Variants in FOXN2 observed in about 807,000 individuals in gnomAD.
FOXN2 encodes forkhead box N2.
FOXN2 carries 19 observed loss-of-function variants against 41.2 expected under a neutral mutation model. The ratio of observed to expected loss-of-function variants is 0.46; its 90% CI spans 0.32 to 0.68. FOXN2 has a LOEUF of 0.68. Ranked by LOEUF, FOXN2 falls within the 30% of genes least tolerant of loss-of-function variation. FOXN2 has a pLI of 0.03. For synonymous variants in FOXN2, 195 were observed against 176.8 expected, an observed-to-expected ratio of 1.10 and a Z score of -0.82; for missense variants, 587 against 509.4, an observed-to-expected ratio of 1.15 and a Z score of -1.47.
chr2:48,321,249 A>G (rs902506555), intron 1 of FOXN2, among the ~76,000 whole-genome samples: 5 of 152,254 alleles, frequency 3.3e-5, no homozygotes, highest in African/African-American at 4.8e-5. Flanking sequence ...TTAAAAAACA[A>G]TCTAGGCTGG....
In FOXN2 at chr2:48,376,345, T is replaced by C. The variant is rs1243319190; in HGVS notation, c.*902T>C. On this transcript the variant is annotated 3_prime_UTR_variant, in exon 7 of 7. Coordinates refer to ENST00000340553, the MANE Select transcript of FOXN2 (RefSeq NM_002158.4). Reference sequence around the variant, plus strand: ...TTTGCCTGCCATGTGTACTGTATTATGAGAATCTTATAATCGGAATGGAGT... The same window carrying C: ...TTTGCCTGCCATGTGTACTGTATTACGAGAATCTTATAATCGGAATGGAGT... 2.0e-5 allele frequency: 3 copies of C among 152,090 alleles called. No individual in the cohort carries two copies. The highest frequency in any genetic ancestry group is 6.6e-5 in the Admixed American group (1 of 15,264). 9.4% of individuals were successfully genotyped at this position (152,090 alleles called of 1,614,324 possible). A position where few individuals can be genotyped will look rare whatever the true frequency, so the allele number is the denominator to read the frequency against.
At chr2:48,351,800 C>A (rs1408386071) in intron 3 of FOXN2, among the ~76,000 whole-genome samples, 2 of 152,122 alleles carry the variant, frequency 1.3e-5, no homozygotes, top group African/African-American at 4.8e-5. Flanking sequence ...CGGTCTCCAG[C>A]TTGGGGGTTG....
chr2:48,344,213 A>G (rs1406476290), intron 2 of FOXN2, among the ~76,000 whole-genome samples: 1 of 152,216 alleles, frequency 6.6e-6, no homozygotes, highest in Non-Finnish European at 1.5e-5. Flanking sequence ...ATATATGTGA[A>G]TGTTTATTTA....
intron 2 of FOXN2, among the ~76,000 whole-genome samples, chr2:48,336,131 C>T (rs189662530): frequency 6.3e-4 from 96 of 151,872 alleles, no homozygotes; most frequent in Non-Finnish European, 1.3e-3. Context: ...TTGCTTGGCA[C>T]GGTGGCTCAC....
At chr2:48,348,364 GT>G (rs1175678284) in intron 3 of FOXN2, among the ~76,000 whole-genome samples, 1 of 151,634 alleles carries the variant, frequency 6.6e-6, no homozygotes, top group Non-Finnish European at 1.5e-5. Flanking sequence ...AATTTCTAAT[GT>G]TTTCATTTTC....
rs1053997958 is a variant in FOXN2 at position 48,361,233 on chromosome 2, G to A, written c.639-1410G>A. On this transcript the variant is annotated intron_variant, in intron 4 of 6. Coordinates refer to ENST00000340553, the MANE Select transcript of FOXN2 (RefSeq NM_002158.4). ...TGTAATCCCAGCACTTTGGTAGGCC[G>A]AGGCCAGTGGATCACCTGAGGTCGG... Among the ~76,000 whole-genome samples, 184 of 152,192 alleles carry A rather than the reference G, an allele frequency of 1.2e-3. 1 individual carries two copies. Among genetic ancestry groups the A allele is most frequent in the African/African-American group, 4.2e-3 (176 of 41,526 alleles).
intron 6 of FOXN2, 112 bp downstream of exon 6, chr2:48,373,472 T>A (rs1397184348): frequency 4.6e-6 from 3 of 650,866 alleles, no homozygotes; most frequent in Non-Finnish European, 8.1e-6. Flanking sequence ...CAAATTGTAT[T>A]TTGATCTGAG....
At position 48,326,007 on chromosome 2, in the gene FOXN2, C is replaced by T. The variant is rs184486222; in HGVS notation, c.-156-2554C>T. On this transcript the variant is annotated intron_variant, in intron 1 of 6. Transcript: ENST00000340553. ...GGGGTTAAAGGCACATGCCACCACG[C>T]CCAGCTAATATTTGTATTTTTAGTA... Among the ~76,000 whole-genome samples the T allele has an allele frequency of 9.2e-5, 14 of 152,192 alleles. No individual in the cohort carries two copies. In the East Asian group the frequency reaches 2.7e-3, roughly 29 times the overall value.
At chr2:48,374,878 C>G in intron 6 of FOXN2, 42 bp from the exon 7 acceptor site, 2 of 1,531,170 alleles carry the variant, frequency 1.3e-6, no homozygotes, top group Non-Finnish European at 1.8e-6. Context: ...TTTTTGCAAC[C>G]AAACACATTT....
chr2:48,352,027 G>A (rs1338918750), intron 3 of FOXN2, among the ~76,000 whole-genome samples: 1 of 149,960 alleles, frequency 6.7e-6, no homozygotes, highest in African/African-American at 2.4e-5. Flanking sequence ...GAAGTGTGAT[G>A]AATATCATGC....
intron 1 of FOXN2, among the ~76,000 whole-genome samples, chr2:48,315,311 C>G (rs1049153111): frequency 7.9e-5 from 12 of 152,176 alleles, no homozygotes; most frequent in African/African-American, 2.7e-4. Context: ...CTCGTCCGGC[C>G]CCAGTTGGGA....
At chr2:48,320,445 C>T (rs945599876) in intron 1 of FOXN2, among the ~76,000 whole-genome samples, 20 of 152,172 alleles carry the variant, frequency 1.3e-4, no homozygotes, top group East Asian at 9.7e-4. Context: ...CACACACCAC[C>T]GCGCCTGGCT....
intron 1 of FOXN2, among the ~76,000 whole-genome samples, chr2:48,325,522 T>C (rs528423803): frequency 1.6e-4 from 24 of 152,000 alleles, no homozygotes; most frequent in African/African-American, 5.8e-4. Context: ...TGTATGTATC[T>C]ATAGGAAAGG....
intron 1 of FOXN2, among the ~76,000 whole-genome samples, chr2:48,324,972 A>G (rs1204718033): frequency 2.0e-5 from 3 of 152,216 alleles, no homozygotes; most frequent in Non-Finnish European, 4.4e-5. Flanking sequence ...AAGGTAGACA[A>G]TCCAGTTGTT....
rs375249433 is a variant in FOXN2 at position 48,362,670 on chromosome 2, C to G, written c.666C>G (p.Ser222Arg). 7 of 1,613,838 alleles carry G rather than the reference C, an allele frequency of 4.3e-6. No individual in the cohort carries two copies. The African/African-American group carries it at 5.3e-5, about 12-fold the overall frequency. Reference sequence around the variant, plus strand: ...GTTCTTTATCACCTCACTATTTAAGCTCTGTAATCAAGCAGAACCAGGTGC... The same window carrying G: ...GTTCTTTATCACCTCACTATTTAAGGTCTGTAATCAAGCAGAACCAGGTGC... Reference protein sequence around the residue: ...QNGSLSPHYLSSVIKQNQVRN... With the variant: ...QNGSLSPHYLRSVIKQNQVRN... The change falls in exon 5 of 7, where the codon AGC (serine) becomes AGG (arginine). Residue 222 changes from serine to arginine, a missense_variant. By Grantham distance (110) the Ser-to-Arg change is moderately radical. Transcript: ENST00000340553.
At chr2:48,362,616 A>G (rs1245844492) in intron 4 of FOXN2, 27 bp from the exon 5 acceptor site, 3 of 1,595,916 alleles carry the variant, frequency 1.9e-6, no homozygotes, top group Admixed American at 1.7e-5. Context: ...TTTTATAAGC[A>G]TATTTGCTTT....
At chr2:48,336,457 GTATA>G (rs775323322) in intron 2 of FOXN2, among the ~76,000 whole-genome samples, 2 of 149,032 alleles carry the variant, frequency 1.3e-5, no homozygotes, top group Admixed American at 6.7e-5. Flanking sequence ...GTGTGTGTGT[GTATA>G]TATATTTATT....
intron 3 of FOXN2, among the ~76,000 whole-genome samples, chr2:48,348,894 A>G (rs1671278754): frequency 6.6e-6 from 1 of 152,194 alleles, no homozygotes; most frequent in South Asian, 2.1e-4. Context: ...CCCTTCCTAC[A>G]GCACTAGATT....
intron 2 of FOXN2, among the ~76,000 whole-genome samples, chr2:48,341,182 C>A (rs1240207702): frequency 6.6e-6 from 1 of 151,904 alleles, no homozygotes; most frequent in Non-Finnish European, 1.5e-5. Context: ...GCCCAGGTTT[C>A]CTTTTATTTA....
Sources: allele counts gnomAD v4.1 joint callset (sites outside exome capture counted in the v4.1 genomes callset), GRCh38; gene constraint gnomAD v4.1.1; transcripts MANE v1.5; gene names NCBI Gene and HGNC (gene_info 2026-07-23, HGNC 2026-07-21).